The following MTR variants were observed in gnomAD, a reference collection of about 807,000 sequenced individuals.
The protein encoded by MTR is 5-methyltetrahydrofolate-homocysteine methyltransferase, also known as methionine synthase.
Under a neutral mutation model 154.8 loss-of-function variants are expected in MTR, and 84 were observed. The ratio of observed to expected loss-of-function variants is 0.54; its 90% CI spans 0.45 to 0.65. The LOEUF is 0.65. Ranked by LOEUF, MTR falls within the 30% of genes least tolerant of loss-of-function variation. The pLI is 0.00. For synonymous variants in MTR, 554 were observed against 553.9 expected (o/e 1.00, Z 0.00); for missense variants, 1,275 against 1,570.2 (o/e 0.81, Z 3.18).
At chr1:236,895,185 A>G (rs1270164267) in intron 30 of MTR, 173 bp from the exon 31 acceptor site, 2 of 757,122 alleles carry the variant, frequency 2.6e-6, no homozygotes, top group Admixed American at 2.2e-5. Context: ...GCAGCAGCTG[A>G]TGAAAGTACA....
At chr1:236,875,890 C>T (rs1480197850) in intron 24 of MTR, among the ~76,000 whole-genome samples, 1 of 152,038 alleles carries the variant, frequency 6.6e-6, no homozygotes, top group Admixed American at 6.6e-5. Flanking sequence ...TGGAGGCTGG[C>T]AAGACTGAAA....
At chr1:236,869,914 T>G (rs1020335361) in intron 22 of MTR, among the ~76,000 whole-genome samples, 2 of 152,194 alleles carry the variant, frequency 1.3e-5, no homozygotes, top group Non-Finnish European at 2.9e-5. Context: ...TTTCAGACTT[T>G]CCCCTAGGAT....
At chr1:236,829,142 T>A in intron 11 of MTR, 47 bp from the exon 12 acceptor site, 1 of 1,390,874 alleles carries the variant, frequency 7.2e-7, no homozygotes, top group Non-Finnish European at 1.0e-6. Context: ...TCATTAAATA[T>A]ATTTTATTCT....
chr1:236,885,478 A>G (rs1558338585), intron 26 of MTR, among the ~76,000 whole-genome samples: 1 of 152,202 alleles, frequency 6.6e-6, no homozygotes, highest in Non-Finnish European at 1.5e-5. Context: ...GCTGTGCTAG[A>G]TATCAGAACT....
Position 236,825,313 on chromosome 1 carries a change from T to G in MTR, c.866-25T>G, listed in dbSNP as rs1173384284. 2.5e-6 allele frequency: 4 copies of G among 1,587,932 alleles called. No individual in the cohort carries two copies. The African/African-American group carries it at 5.4e-5, about 21-fold the overall frequency. On this transcript the variant is annotated intron_variant, in intron 9 of 32. Coordinates refer to ENST00000366577, the MANE Select transcript of MTR (RefSeq NM_000254.3). ...TGTATATTTTTAAGGCAATTTGCAA[T>G]AATGGTTGAATTATCCTTTCTCAGG...
At chr1:236,864,754 T>G (rs1664736361) in intron 22 of MTR, among the ~76,000 whole-genome samples, 1 of 152,262 alleles carries the variant, frequency 6.6e-6, no homozygotes, top group African/African-American at 2.4e-5. Flanking sequence ...GGTTCCTGTT[T>G]GCATTCATCA....
Position 236,795,535 on chromosome 1 carries a change from T to G in MTR, c.-169T>G. On this transcript the variant is annotated 5_prime_UTR_variant, in exon 1 of 33. Coordinates refer to ENST00000366577, the MANE Select transcript of MTR (RefSeq NM_000254.3). ...AGAGGCCCTAGGGCGCTGCGGGCTT[T>G]CGGGGTCCGCAGTCCCCCCGCGACG... The G allele has an allele frequency of 1.3e-6, 2 of 1,531,754 alleles. No homozygotes were observed. Among genetic ancestry groups the G allele is most frequent in the Non-Finnish European group, 1.7e-6 (2 of 1,143,448 alleles). 94.9% of individuals were successfully genotyped at this position (1,531,754 alleles called of 1,614,324 possible). A position where few individuals can be genotyped will look rare whatever the true frequency, so the allele number is the denominator to read the frequency against.
At chr1:236,824,920 A>G (rs1347553681) in intron 9 of MTR, among the ~76,000 whole-genome samples, 1 of 152,130 alleles carries the variant, frequency 6.6e-6, no homozygotes. Context: ...ATTTGAAAGG[A>G]GACTGGTTGA....
At position 236,886,305 on chromosome 1, in the gene MTR, T is replaced by G. The variant is rs1490057442; in HGVS notation, c.2789T>G (p.Leu930Ter). 6.2e-7 allele frequency: 1 copy of G among 1,614,002 alleles called. No homozygotes were observed. Among genetic ancestry groups the G allele is most frequent in the Non-Finnish European group, 8.5e-7 (1 of 1,180,012 alleles). ...GTTTTTTAACAGGAGAGGAGATACT[T>G]ACCCTTAAGTCAAGCCAGAAAAAGT... ...HYESLKERRY[L>*]PLSQARKSGF... The change falls in exon 27 of 33, where the codon TTA becomes TGA. Residue 930 changes from leucine (L) to a stop codon, truncating the protein, a stop_gained. Coordinates refer to ENST00000366577, the MANE Select transcript of MTR (RefSeq NM_000254.3). LOFTEE classifies it high-confidence loss of function.
chr1:236,902,881 A>G lies in MTR; in HGVS notation c.*5237A>G, dbSNP rs1299728129. On this transcript the variant is annotated 3_prime_UTR_variant, in exon 33 of 33. Transcript: ENST00000366577. ...ACCCTCAGTTCATGGCATACTTGCT[A>G]TAAATCAGCTATGTGTATTGTCAAA... The G allele has an allele frequency of 6.6e-6, 1 of 152,242 alleles. No homozygotes were observed. Among genetic ancestry groups the G allele is most frequent in the African/African-American group, 2.4e-5 (1 of 41,464 alleles). 9.4% of individuals were successfully genotyped at this position (152,242 alleles called of 1,614,324 possible). A position where few individuals can be genotyped will look rare whatever the true frequency, so the allele number is the denominator to read the frequency against.
chr1:236,886,432 A>C, intron 27 of MTR, 65 bp downstream of exon 27: 1 of 1,491,586 alleles, frequency 6.7e-7, no homozygotes, highest in Non-Finnish European at 9.3e-7. Flanking sequence ...GAGGAAATAC[A>C]TGCATTTACT....
At chr1:236,893,210 G>A (rs1413342734) in intron 29 of MTR, among the ~76,000 whole-genome samples, 2 of 152,120 alleles carry the variant, frequency 1.3e-5, no homozygotes, top group Non-Finnish European at 2.9e-5. Flanking sequence ...CCTGGAAAAC[G>A]GCTTCCCCAT....
intron 15 of MTR, among the ~76,000 whole-genome samples, chr1:236,840,686 C>T (rs1663179057): frequency 6.6e-6 from 1 of 152,194 alleles, no homozygotes; most frequent in African/African-American, 2.4e-5. Flanking sequence ...ATAATGTTGG[C>T]ATTTTCCCAT....
intron 1 of MTR, among the ~76,000 whole-genome samples, chr1:236,802,084 C>A (rs1005509813): frequency 6.6e-6 from 1 of 152,160 alleles, no homozygotes; most frequent in Non-Finnish European, 1.5e-5. Context: ...GAAGGTGGGA[C>A]CATTGTGCAT....
At chr1:236,875,611 A>T (rs1665387002) in intron 24 of MTR, among the ~76,000 whole-genome samples, 3 of 152,136 alleles carry the variant, frequency 2.0e-5, no homozygotes, top group Admixed American at 2.0e-4. Context: ...TATTTTTCTG[A>T]TGCAGAAATA....
intron 24 of MTR, among the ~76,000 whole-genome samples, chr1:236,879,312 T>G (rs1665602131): frequency 6.6e-6 from 1 of 152,224 alleles, no homozygotes; most frequent in African/African-American, 2.4e-5. Flanking sequence ...GATACAGGAT[T>G]GGTTGGTTGT....
At chr1:236,883,911 G>A (rs1179838556) in intron 25 of MTR, among the ~76,000 whole-genome samples, 1 of 152,144 alleles carries the variant, frequency 6.6e-6, no homozygotes, top group Non-Finnish European at 1.5e-5. Flanking sequence ...TTGTGTATTA[G>A]ATAATCCTGC....
At chr1:236,813,979 G>GA (rs997308841) in intron 6 of MTR, among the ~76,000 whole-genome samples, 1 of 151,952 alleles carries the variant, frequency 6.6e-6, no homozygotes. Context: ...TTGAAGAGAA[G>GA]AAAAAAATGG....
chr1:236,893,272 C>T (rs1666432477), intron 29 of MTR, among the ~76,000 whole-genome samples: 1 of 152,208 alleles, frequency 6.6e-6, no homozygotes, highest in Admixed American at 6.5e-5. Flanking sequence ...TACCAAACAC[C>T]TCCTCGCCTG....
Sources: allele counts gnomAD v4.1 joint callset (sites outside exome capture counted in the v4.1 genomes callset), GRCh38; gene constraint gnomAD v4.1.1; transcripts MANE v1.5; gene names NCBI Gene and HGNC (gene_info 2026-07-23, HGNC 2026-07-21).